The following NTNG1 variants were observed in gnomAD, a reference collection of about 807,000 sequenced individuals.
The protein encoded by NTNG1 is netrin-G1.
A neutral mutation model predicts 54.0 loss-of-function variants in NTNG1; 16 were observed. The observed-to-expected ratio is 0.30, with a 90% confidence interval of 0.20 to 0.45. NTNG1 has a LOEUF of 0.45. Ranked by LOEUF, NTNG1 falls within the 20% of genes least tolerant of loss-of-function variation. The pLI, the probability that NTNG1 is intolerant of heterozygous loss-of-function variation, is 1.00. For missense variants in NTNG1, 530 were observed against 678.7 expected (o/e 0.78, Z 2.43); for synonymous variants, 255 against 263.1 (o/e 0.97, Z 0.30).
intron 5 of NTNG1, among the ~76,000 whole-genome samples, chr1:107,426,040 TGTTGA>T (rs1270511731): frequency 2.0e-5 from 3 of 152,122 alleles, no homozygotes; most frequent in African/African-American, 7.2e-5. Flanking sequence ...GTTTTATTCT[TGTTGA>T]GTTATCTGAG....
At chr1:107,186,052 A>G (rs894768695) in intron 2 of NTNG1, among the ~76,000 whole-genome samples, 7 of 152,172 alleles carry the variant, frequency 4.6e-5, no homozygotes, top group East Asian at 3.9e-4. Context: ...AGAGTCTCCA[A>G]TATCTATTAT....
intron 2 of NTNG1, among the ~76,000 whole-genome samples, chr1:107,267,187 C>A (rs1663803059): frequency 1.3e-5 from 2 of 152,154 alleles, no homozygotes; most frequent in Admixed American, 6.5e-5. Context: ...TGGCAAGACC[C>A]ACCTATATGG....
At chr1:107,228,665 C>A (rs1026035857) in intron 2 of NTNG1, among the ~76,000 whole-genome samples, 6 of 151,996 alleles carry the variant, frequency 3.9e-5, no homozygotes, top group African/African-American at 1.4e-4. Flanking sequence ...GTTATTATTC[C>A]AGTTGTATAA....
At chr1:107,140,872 G>T (rs1653610355), upstream of NTNG1, 1 of 152,802 alleles carries the variant, frequency 6.5e-6, no homozygotes, top group Admixed American at 6.5e-5. Flanking sequence ...AGGCGCGGAG[G>T]AGAGCCGGCG....
At chr1:107,329,845 A>G (rs1668177857) in intron 3 of NTNG1, among the ~76,000 whole-genome samples, 1 of 152,106 alleles carries the variant, frequency 6.6e-6, no homozygotes, top group African/African-American at 2.4e-5. Flanking sequence ...CACCAAGCAT[A>G]GTCTCTGCTC....
At chr1:107,289,836 C>T (rs1665464896) in intron 2 of NTNG1, among the ~76,000 whole-genome samples, 1 of 152,022 alleles carries the variant, frequency 6.6e-6, no homozygotes, top group African/African-American at 2.4e-5. Context: ...TGTAATTTAC[C>T]TAAAGAATTG....
intron 3 of NTNG1, among the ~76,000 whole-genome samples, chr1:107,353,512 C>T (rs1353500374): frequency 6.6e-6 from 1 of 152,104 alleles, no homozygotes; most frequent in Non-Finnish European, 1.5e-5. Flanking sequence ...GTCCATATCA[C>T]TATTCACATT....
intron 2 of NTNG1, among the ~76,000 whole-genome samples, chr1:107,292,550 A>AAGC (rs1295915005): frequency 2.6e-5 from 4 of 152,078 alleles, no homozygotes; most frequent in Admixed American, 2.6e-4. Flanking sequence ...CCCAAAATAG[A>AAGC]AGCATCTGAA....
rs893954163 is a variant in NTNG1, at chr1:107,224,799, G to A, written c.246+75960G>A. On this transcript the variant is annotated intron_variant, in intron 2 of 7. Coordinates refer to ENST00000370068, the MANE Select transcript of NTNG1 (RefSeq NM_001113226.3). ...TGCAGGAATAATGAGAAATTAAATA[G>A]CATTCTGATTCACAACTGAGGCTGA... is the stretch of plus-strand genomic sequence containing the variant. 3.3e-5 allele frequency among the ~76,000 whole-genome samples: 5 copies of A among 152,100 alleles called. No individual in the cohort carries two copies. The East Asian group carries it at 7.7e-4, about 23-fold the overall frequency.
At chr1:107,164,231 G>A (rs1655607788) in intron 2 of NTNG1, among the ~76,000 whole-genome samples, 1 of 152,196 alleles carries the variant, frequency 6.6e-6, no homozygotes, top group African/African-American at 2.4e-5. Context: ...TCCACCTCTA[G>A]CTTGGTTGGA....
intron 2 of NTNG1, among the ~76,000 whole-genome samples, chr1:107,189,769 A>C (rs1347678573): frequency 6.6e-6 from 1 of 151,626 alleles, no homozygotes. Flanking sequence ...AAAGGCCTCA[A>C]TGTCCTAAGA....
At chr1:107,156,337 G>T (rs1006049979) in intron 2 of NTNG1, among the ~76,000 whole-genome samples, 4 of 152,032 alleles carry the variant, frequency 2.6e-5, no homozygotes, top group East Asian at 1.9e-4. Flanking sequence ...CTATATATGA[G>T]AATTTTTTTC....
intron 5 of NTNG1, chr1:107,409,952 G>A (rs921067649): frequency 3.9e-5 from 6 of 152,094 alleles, no homozygotes; most frequent in African/African-American, 1.4e-4. Flanking sequence ...CCCCTCCAAA[G>A]GGCAAGAATT....
chr1:107,472,558 A>G (rs1678050594), intron 7 of NTNG1, among the ~76,000 whole-genome samples: 1 of 152,116 alleles, frequency 6.6e-6, no homozygotes, highest in South Asian at 2.1e-4. Context: ...GTGTCACTAA[A>G]TAGTTGCATA....
chr1:107,170,379 A>G (rs1044651142), intron 2 of NTNG1, among the ~76,000 whole-genome samples: 3 of 152,106 alleles, frequency 2.0e-5, no homozygotes, highest in Non-Finnish European at 4.4e-5. Flanking sequence ...AAATTTTAGT[A>G]CCCATCTATT....
chr1:107,237,031 T>C (rs1008139589), intron 2 of NTNG1, among the ~76,000 whole-genome samples: 3 of 152,084 alleles, frequency 2.0e-5, no homozygotes, highest in Non-Finnish European at 4.4e-5. Flanking sequence ...TTGGAACAGT[T>C]TGGAGGGCTC....
At chr1:107,439,973 C>T (rs1026288574) in intron 7 of NTNG1, among the ~76,000 whole-genome samples, 1 of 151,884 alleles carries the variant, frequency 6.6e-6, no homozygotes, top group Admixed American at 6.6e-5. Context: ...ACTGCTCACC[C>T]TGACTTCCAC....
At chr1:107,297,195 A>G (rs1362224695) in intron 2 of NTNG1, among the ~76,000 whole-genome samples, 2 of 142,824 alleles carry the variant, frequency 1.4e-5, no homozygotes, top group Non-Finnish European at 3.0e-5. Context: ...ATATATATAT[A>G]ACATCATATA....
chr1:107,386,754 T>A (rs907992636), intron 3 of NTNG1, among the ~76,000 whole-genome samples: 2 of 152,230 alleles, frequency 1.3e-5, no homozygotes, highest in Admixed American at 6.5e-5. Flanking sequence ...AATACCTAGA[T>A]GTAAAATTTA....
Sources: allele counts gnomAD v4.1 joint callset (sites outside exome capture counted in the v4.1 genomes callset), GRCh38; gene constraint gnomAD v4.1.1; transcripts MANE v1.5; gene names NCBI Gene and HGNC (gene_info 2026-07-23, HGNC 2026-07-21).